The following RIF1 variants were observed in gnomAD, a reference collection of about 807,000 sequenced individuals.
The protein encoded by RIF1 is replication timing regulatory factor 1, also known as telomere-associated protein RIF1.
In RIF1, 45 loss-of-function variants were observed where a neutral mutation model predicts 247.1. The ratio of observed to expected loss-of-function variants is 0.18; its 90% CI spans 0.14 to 0.23. The LOEUF (loss-of-function observed/expected upper bound fraction) is 0.23, where lower values mean the gene tolerates loss of function less well. Among genes scored for constraint, RIF1 ranks in the 10% least tolerant of loss-of-function variants. The probability of loss-of-function intolerance (pLI) is 1.00; values close to 1 mark genes in which losing one functional copy is unlikely to be tolerated. For synonymous variants in RIF1, 1,087 were observed against 978.8 expected, an observed-to-expected ratio of 1.11 and a Z score of -2.06; for missense variants, 2,967 against 2,862.5, an observed-to-expected ratio of 1.04 and a Z score of -0.83.
intron 35 of RIF1, 63 bp from the exon 36 acceptor site, chr2:151,474,794 C>T (rs1045583906): frequency 2.2e-6 from 2 of 929,732 alleles, no homozygotes; most frequent in Admixed American, 4.6e-5. Context: ...CTTAAAAGAT[C>T]ATGTAAAAAA....
In RIF1 at chr2:151,462,889, G is replaced by C; in HGVS notation, c.3369G>C (p.Glu1123Asp). 1 of 1,593,724 alleles carries C rather than the reference G, an allele frequency of 6.3e-7. No individual in the cohort carries two copies. Among genetic ancestry groups the C allele is most frequent in the Non-Finnish European group, 8.5e-7 (1 of 1,170,946 alleles). Residue 1123 changes from glutamate (E) to aspartate (D), a missense_variant, in exon 30 of 36, where the codon GAG becomes GAC. Around this residue, in one of 7 missense-constraint regions of RIF1, gnomAD observed 2,028 missense variants for 1,825.6 expected, o/e 1.11. Coordinates refer to ENST00000444746, the MANE Select transcript of RIF1 (RefSeq NM_018151.5). Reference protein sequence around the residue: ...KEDSKMMITEEQMDSDIVIPQ... With the variant: ...KEDSKMMITEDQMDSDIVIPQ... ...ATGTATATATTTCTGTGCAGGAGGA[G>C]CAAATGGACAGTGACATTGTCATTC...
chr2:151,523,547 A>G, the RIF1 span, among the ~76,000 whole-genome samples: 2 of 152,234 alleles, frequency 1.3e-5, no homozygotes, highest in Admixed American at 6.5e-5. Flanking sequence ...CTAAAGTCCT[A>G]TAGGATCAAA....
At chr2:151,521,403 C>T in the RIF1 span, among the ~76,000 whole-genome samples, 1 of 152,024 alleles carries the variant, frequency 6.6e-6, no homozygotes, top group Non-Finnish European at 1.5e-5. Context: ...AAGTTTCACT[C>T]TCAACATAAA....
intron 26 of RIF1, among the ~76,000 whole-genome samples, 180 bp from the exon 27 acceptor site, chr2:151,460,958 A>G (rs1696061511): frequency 6.6e-6 from 1 of 152,194 alleles, no homozygotes; most frequent in Non-Finnish European, 1.5e-5. Context: ...CTTTCTTAGT[A>G]TTTATTAGAG....
At chr2:151,498,047 C>CATT in intron 10 of RIF1, 2 of 1,447,154 alleles carry the variant, frequency 1.4e-6, no homozygotes, top group African/African-American at 1.4e-5. Flanking sequence ...TGGAAACATT[C>CATT]ATTATTTTTA....
chr2:151,468,245 TC>T (rs1483801311), intron 31 of RIF1, 99 bp downstream of exon 31: 2 of 1,176,746 alleles, frequency 1.7e-6, no homozygotes, highest in Non-Finnish European at 2.4e-6. Context: ...AAAAACTTCT[TC>T]CTTGGTTTAA....
At chr2:151,483,285 A>T (rs866397525), downstream of RIF1, 15 of 152,242 alleles carry the variant, frequency 9.9e-5, no homozygotes, top group African/African-American at 3.6e-4. Context: ...AACAAGCACA[A>T]GCAGATGGCA....
rs2048793163 is a variant in RIF1, at chr2:151,474,145, T to A, written c.7204+73T>A. ...CTTTCTTGAAATATGTTATTTTTTT[T>A]AGTCTGATTTGACCATGCCTTATTT... On this transcript the variant is annotated intron_variant, in intron 35 of 35. Coordinates refer to ENST00000444746, the MANE Select transcript of RIF1 (RefSeq NM_018151.5). 3.6e-5 allele frequency: 28 copies of A among 779,318 alleles called. No homozygotes were observed. The South Asian group carries it at 4.2e-4, about 12-fold the overall frequency. The allele number at this position is 779,318 out of a possible 1,614,324, so 48.3% of individuals were successfully genotyped here.
chr2:151,498,084 T>TGAA (rs2061538690), intron 10 of RIF1: 1 of 1,469,752 alleles, frequency 6.8e-7, no homozygotes, highest in Non-Finnish European at 9.0e-7. Context: ...AAATATCAGA[T>TGAA]GAAGTAAAAA....
intron 8 of RIF1, among the ~76,000 whole-genome samples, chr2:151,427,284 C>A (rs1689271879): frequency 6.6e-6 from 1 of 151,662 alleles, no homozygotes; most frequent in East Asian, 1.9e-4. Context: ...GATCTCGGCT[C>A]ACTGCAGCCT....
chr2:151,411,770 A>G (rs1238037717), intron 3 of RIF1, among the ~76,000 whole-genome samples: 1 of 152,206 alleles, frequency 6.6e-6, no homozygotes, highest in Non-Finnish European at 1.5e-5. Context: ...CAGCAATAAT[A>G]CTGATTATAA....
Position 151,420,356 on chromosome 2 carries a change from A to T in RIF1, c.670A>T (p.Ile224Phe), listed in dbSNP as rs148221557. 61 of 1,614,004 alleles carry T rather than the reference A, an allele frequency of 3.8e-5. No individual in the cohort carries two copies. The highest frequency in any genetic ancestry group is 4.7e-5 in the Non-Finnish European group (56 of 1,180,020). The change falls in exon 7 of 36, where the codon ATT (isoleucine) becomes TTT (phenylalanine). Residue 224 changes from isoleucine to phenylalanine, a missense_variant. Coordinates refer to ENST00000444746, the MANE Select transcript of RIF1 (RefSeq NM_018151.5). Reference sequence around the variant, plus strand: ...TCAGAAACAGCAAGAAATAGCATCTATTACGGAGCAGCTTATGACTACTGT... The same window carrying T: ...TCAGAAACAGCAAGAAATAGCATCTTTTACGGAGCAGCTTATGACTACTGT... ...LLQKQQEIAS[I>F]TEQLMTTKLI... is the part of the protein sequence containing the mutation.
intron 34 of RIF1, among the ~76,000 whole-genome samples, chr2:151,473,500 G>C (rs2048732387): frequency 6.6e-6 from 1 of 151,612 alleles, no homozygotes; most frequent in South Asian, 2.1e-4. Context: ...GGCTGGTCTT[G>C]AACTCCTGAC....
At chr2:151,492,425 T>C (rs767393578) in intron 9 of RIF1, 1 of 1,612,042 alleles carries the variant, frequency 6.2e-7, no homozygotes, top group East Asian at 2.2e-5. Flanking sequence ...ACCCGTCTCA[T>C]CTCGGGGGTA....
intron 11 of RIF1, among the ~76,000 whole-genome samples, chr2:151,500,258 A>G (rs1327668361): frequency 2.0e-5 from 3 of 152,150 alleles, no homozygotes; most frequent in African/African-American, 7.2e-5. Context: ...ATGTCAAAGA[A>G]TCAAACTTTT....
rs568681942 is a variant in RIF1, at chr2:151,476,976, C to T, written c.*1905C>T. The T allele has an allele frequency of 5.9e-5, 9 of 152,036 alleles. No individual in the cohort carries two copies. The East Asian group carries it at 9.7e-4, about 16-fold the overall frequency. The allele number at this position is 152,036 out of a possible 1,614,324, so 9.4% of individuals were successfully genotyped here. ...TGATTGAATGAAATTCTTGGGAAGC[C>T]GAACAGTAATAGCAGAAAATGTGAC... On this transcript the variant is annotated 3_prime_UTR_variant, in exon 36 of 36. Coordinates refer to ENST00000444746, the MANE Select transcript of RIF1 (RefSeq NM_018151.5).
chr2:151,431,999 T>C (rs1690238147), intron 9 of RIF1, among the ~76,000 whole-genome samples: 1 of 152,142 alleles, frequency 6.6e-6, no homozygotes, highest in Non-Finnish European at 1.5e-5. Flanking sequence ...CAGAATCCTT[T>C]TCAAGTTATT....
intron 18 of RIF1, among the ~76,000 whole-genome samples, chr2:151,444,305 ATTTTGTTGT>A (rs1692859116): frequency 6.6e-6 from 1 of 152,098 alleles, no homozygotes; most frequent in Admixed American, 6.6e-5. Flanking sequence ...ACTCGAAGGA[ATTTTGTTGT>A]TTTTGTTGTT....
rs751729619 is a variant in RIF1, at chr2:151,463,432, C to T, written c.3912C>T (p.Pro1304=). The T allele has an allele frequency of 3.1e-6, 5 of 1,613,958 alleles. No homozygotes were observed. In the South Asian group the frequency reaches 4.4e-5, roughly 14 times the overall value. Residue 1304 remains proline, a synonymous_variant, in exon 30 of 36, where the codon CCC becomes CCT. Coordinates refer to ENST00000444746, the MANE Select transcript of RIF1 (RefSeq NM_018151.5). ...AEQTGNKRSK[P]LMRSEPEKNT... ...AAACAGGGAATAAAAGGTCTAAGCC[C>T]TTAATGAGATCTGAGCCGGAGAAAA...
Sources: allele counts gnomAD v4.1 joint callset (sites outside exome capture counted in the v4.1 genomes callset), GRCh38; gene constraint gnomAD v4.1.1; regional missense constraint gnomAD v4.1.1; transcripts MANE v1.5; gene names NCBI Gene and HGNC (gene_info 2026-07-23, HGNC 2026-07-21).